CEP162: variants seen among roughly 807,000 people sequenced by gnomAD.
CEP162 encodes the protein centrosomal protein of 162 kDa.
A neutral mutation model predicts 169.2 loss-of-function variants in CEP162; 141 were observed. The observed-to-expected ratio is 0.83, with a 90% confidence interval of 0.73 to 0.96. The LOEUF is 0.96. Among genes scored for constraint, CEP162 ranks in the 40% least tolerant of loss-of-function variants. CEP162 has a pLI of 0.00. For synonymous variants in CEP162, 540 were observed against 526.4 expected, an observed-to-expected ratio of 1.03 and a Z score of -0.35; for missense variants, 1,600 against 1,587.2, an observed-to-expected ratio of 1.01 and a Z score of -0.14.
chr6:84,226,435 C>T lies in CEP162; in HGVS notation c.-42G>A, dbSNP rs200217636. Reference sequence around the variant, plus strand: ...CTCCCAAAGTAAACATTCTAAAGTACCTCAAACATTGGAAACACTAAATGA... The same window carrying T: ...CTCCCAAAGTAAACATTCTAAAGTATCTCAAACATTGGAAACACTAAATGA... On this transcript the variant is annotated 5_prime_UTR_variant, in exon 2 of 27. Coordinates refer to ENST00000403245, the MANE Select transcript of CEP162 (RefSeq NM_014895.4). 3.1e-3 allele frequency: 4,243 copies of T among 1,381,350 alleles called. 18 individuals carry two copies. The highest frequency in any genetic ancestry group is 3.4e-3 in the Middle Eastern group (19 of 5,594). The allele number at this position is 1,381,350 out of a possible 1,614,324, so 85.6% of individuals were successfully genotyped here. A position where few individuals can be genotyped will look rare whatever the true frequency, so the allele number is the denominator to read the frequency against.
intron 3 of CEP162, among the ~76,000 whole-genome samples, chr6:84,216,279 G>A (rs1441705844): frequency 6.6e-6 from 1 of 152,026 alleles, no homozygotes; most frequent in East Asian, 1.9e-4. Flanking sequence ...TTTTGGTGCT[G>A]AACTCTTAAC....
Position 84,174,876 on chromosome 6 carries a change from A to AT in CEP162, c.1875dup (p.Trp626MetfsTer9). 6.2e-7 allele frequency: 1 copy of AT among 1,611,814 alleles called. No homozygotes were observed. Among genetic ancestry groups the AT allele is most frequent in the African/African-American group, 1.3e-5 (1 of 74,966 alleles). On this transcript the variant is annotated frameshift_variant, in exon 15 of 27. Transcript: ENST00000403245. LOFTEE classifies it high-confidence loss of function. ...TCAATTAGGGCTTGCGCACCCCTCC[A>AT]TTTATCCTCTGCTTCCTGAACTCTT...
At chr6:84,218,458 T>C (rs540657130) in intron 3 of CEP162, among the ~76,000 whole-genome samples, 1 of 152,220 alleles carries the variant, frequency 6.6e-6, no homozygotes, top group Non-Finnish European at 1.5e-5. Flanking sequence ...AAAATTTCCT[T>C]ATTTTAATAG....
intron 25 of CEP162, among the ~76,000 whole-genome samples, chr6:84,129,842 C>T (rs932805249): frequency 6.6e-6 from 1 of 152,120 alleles, no homozygotes; most frequent in Non-Finnish European, 1.5e-5. Flanking sequence ...TATGTGACTA[C>T]CCTTTATTTC....
intron 18 of CEP162, among the ~76,000 whole-genome samples, chr6:84,163,692 G>A (rs531990337): frequency 2.0e-5 from 3 of 152,024 alleles, no homozygotes; most frequent in South Asian, 2.1e-4. Context: ...CTGGCCAGGC[G>A]TGGTGGCTCA....
At chr6:84,174,291 A>G (rs1253805613) in intron 15 of CEP162, 103 bp from the exon 16 acceptor site, 1 of 919,270 alleles carries the variant, frequency 1.1e-6, no homozygotes, top group Non-Finnish European at 1.6e-6. Flanking sequence ...AAACTGTCTT[A>G]TAATATTGAA....
At chr6:84,152,476 A>G in intron 23 of CEP162, 69 bp downstream of exon 23, 1 of 821,280 alleles carries the variant, frequency 1.2e-6, no homozygotes, top group Non-Finnish European at 1.8e-6. Context: ...TGGAGGAAAT[A>G]TATCGTATAA....
Position 84,189,538 on chromosome 6 carries a change from A to G in CEP162, c.1110-2915T>C, listed in dbSNP as rs559764678. 7.3e-3 allele frequency among the ~76,000 whole-genome samples: 1,110 copies of G among 152,250 alleles called. 11 individuals carry two copies. Among genetic ancestry groups the G allele is most frequent in the African/African-American group, 0.025 (1,049 of 41,560 alleles). On this transcript the variant is annotated intron_variant, in intron 11 of 26. Coordinates refer to ENST00000403245, the MANE Select transcript of CEP162 (RefSeq NM_014895.4). Reference sequence around the variant, plus strand: ...GCCAGTGGCTGCAGAGGGTGTACTGAGTCCCCCAGCAGTGCTGGCCCACCG... The same window carrying G: ...GCCAGTGGCTGCAGAGGGTGTACTGGGTCCCCCAGCAGTGCTGGCCCACCG...
chr6:84,183,582 A>G (rs992748764), intron 13 of CEP162, among the ~76,000 whole-genome samples: 11 of 152,128 alleles, frequency 7.2e-5, no homozygotes, highest in Non-Finnish European at 7.4e-5. Flanking sequence ...CTCACAGTCA[A>G]TGGATCGTAC....
At chr6:84,205,373 G>C (rs927849077) in intron 6 of CEP162, among the ~76,000 whole-genome samples, 3 of 152,112 alleles carry the variant, frequency 2.0e-5, no homozygotes, top group Non-Finnish European at 4.4e-5. Flanking sequence ...TATCCACCAC[G>C]ATCAAGTTGG....
At chr6:84,138,759 C>T (rs2099515217) in intron 25 of CEP162, among the ~76,000 whole-genome samples, 1 of 152,194 alleles carries the variant, frequency 6.6e-6, no homozygotes, top group South Asian at 2.1e-4. Context: ...ATCTTGCAAA[C>T]AGGTACATAT....
intron 25 of CEP162, among the ~76,000 whole-genome samples, chr6:84,132,714 C>T (rs2099512136): frequency 6.6e-6 from 1 of 152,150 alleles, no homozygotes. Context: ...AAGGTCTTCT[C>T]TATGCTGTTT....
rs980563124 is a variant in CEP162, at chr6:84,226,365, T to C, written c.29A>G (p.Asp10Gly). MANCSQEELDEEFEQFMKEL... is the reference protein window; with the variant it reads MANCSQEELGEEFEQFMKEL... ...TTTCATAAACTGTTCAAACTCTTCA[T>C]CTAGCTCTTCTTGGGAACAGTTAGC... Residue 10 changes from aspartate to glycine, a missense_variant, in exon 2 of 27, where the codon GAT becomes GGT. Physicochemically the swap from Asp to Gly is moderately conservative, Grantham distance 94. Coordinates refer to ENST00000403245, the MANE Select transcript of CEP162 (RefSeq NM_014895.4). 1.3e-6 allele frequency: 2 copies of C among 1,567,724 alleles called. No homozygotes were observed. The highest frequency in any genetic ancestry group is 1.3e-5 in the African/African-American group (1 of 74,314).
chr6:84,167,670 T>A (rs560198122), intron 18 of CEP162, among the ~76,000 whole-genome samples: 203 of 152,304 alleles, frequency 1.3e-3, no homozygotes, highest in Non-Finnish European at 2.5e-3. Flanking sequence ...TCAGAACTAA[T>A]GTTATTTTTT....
chr6:84,171,112 C>T (rs972886760), intron 17 of CEP162, among the ~76,000 whole-genome samples: 2 of 152,164 alleles, frequency 1.3e-5, no homozygotes, highest in Non-Finnish European at 2.9e-5. Context: ...CCTACCTCAC[C>T]GTTCCTGCTT....
At chr6:84,155,866 A>T (rs1222802370) in intron 21 of CEP162, among the ~76,000 whole-genome samples, 1 of 152,190 alleles carries the variant, frequency 6.6e-6, no homozygotes, top group Non-Finnish European at 1.5e-5. Flanking sequence ...TTTTCACAGA[A>T]TTAGAAAAAC....
chr6:84,139,695 T>A (rs796426691), intron 25 of CEP162, among the ~76,000 whole-genome samples: 5 of 152,294 alleles, frequency 3.3e-5, no homozygotes, highest in African/African-American at 9.6e-5. Context: ...GAAGGTAAAA[T>A]TTTTCCTGGT....
chr6:84,135,451 C>CAGACTGCTTCCCAGAGA (rs141241102), intron 25 of CEP162, among the ~76,000 whole-genome samples: 3,368 of 152,270 alleles, frequency 0.022, 127 homozygotes, highest in African/African-American at 0.076. Context: ...AGCCCAGAGA[C>CAGACTGCTTCCCAGAGA]AGACTGCTTC....
At chr6:84,154,464 CAG>C (rs1213996696) in intron 22 of CEP162, among the ~76,000 whole-genome samples, 1 of 152,048 alleles carries the variant, frequency 6.6e-6, no homozygotes, top group African/African-American at 2.4e-5. Context: ...CCTTAATTAA[CAG>C]GCCACTGTAT....
Sources: gnomAD v4.1 joint callset for allele counts (sites outside exome capture counted in the v4.1 genomes callset) on GRCh38, gnomAD v4.1.1 for gene constraint, MANE v1.5 for transcripts, NCBI Gene and HGNC (gene_info 2026-07-23, HGNC 2026-07-21) for gene names.